The following ENTPD8 variants were observed in gnomAD, a reference collection of about 807,000 sequenced individuals.
ENTPD8 encodes the protein ectonucleoside triphosphate diphosphohydrolase 8.
Under a neutral mutation model 47.0 loss-of-function variants are expected in ENTPD8, and 35 were observed. That is an observed-to-expected ratio of 0.75 (90% CI 0.57 to 0.99). ENTPD8 has a LOEUF of 0.99. ENTPD8 is among the 50% of genes least tolerant of loss of function. The probability of loss-of-function intolerance (pLI) is 0.00; values close to 1 mark genes in which losing one functional copy is unlikely to be tolerated. For missense variants in ENTPD8, 668 were observed against 649.9 expected (o/e 1.03, Z -0.30); for synonymous variants, 308 against 290.5 (o/e 1.06, Z -0.61).
chr9:137,434,882 G>A lies in ENTPD8; in HGVS notation c.*32C>T, dbSNP rs781663728. On this transcript the variant is annotated 3_prime_UTR_variant, in exon 10 of 10. Coordinates refer to ENST00000371506, the MANE Select transcript of ENTPD8 (RefSeq NM_001033113.2). ...CAGCATCCGGGACGCAGCTGCCTGT[G>A]GGCTCTGTGGGGGCCCACCTCCGCC... 5 of 1,570,428 alleles carry A rather than the reference G, an allele frequency of 3.2e-6. No individual in the cohort carries two copies. In the East Asian group the frequency reaches 1.1e-4, roughly 36 times the overall value.
Position 137,437,016 on chromosome 9 carries a change from G to A in ENTPD8, c.408C>T (p.Ser136=), listed in dbSNP as rs1033821970. The change falls in exon 5 of 10, where the codon AGC becomes AGT. Residue 136 remains serine (S), a synonymous_variant. Transcript: ENST00000371506. ...CTGCAAAGATGTCCCTGGCCTGAGA[G>A]CTGTTCTTCCGGCTGGGCACAGAGG... is the stretch of plus-strand genomic sequence containing the variant. ...AGMRLLSRKN[S]SQARDIFAAV... 4.3e-6 allele frequency: 7 copies of A among 1,612,548 alleles called. No individual in the cohort carries two copies. The highest frequency in any genetic ancestry group is 1.3e-5 in the African/African-American group (1 of 75,066).
Position 137,435,311 on chromosome 9 carries a change from G to A in ENTPD8, c.1189C>T (p.Arg397Cys), listed in dbSNP as rs761502158. The A allele has an allele frequency of 8.7e-6, 14 of 1,611,936 alleles. No homozygotes were observed. The highest frequency in any genetic ancestry group is 4.0e-5 in the African/African-American group (3 of 74,920). Residue 397 changes from arginine to cysteine, a missense_variant, in exon 9 of 10, where the codon CGC becomes TGC. Transcript: ENST00000371506. ...LVEASYPGQDRWLRDYCASGL... is the reference protein window; with the variant it reads ...LVEASYPGQDCWLRDYCASGL... ...GAGGCACAGTAGTCCCGCAGCCAGC[G>A]GTCCTGCCCAGGGTAGCTGGCCTCC...
intron 7 of ENTPD8, 34 bp from the exon 8 acceptor site, chr9:137,435,863 G>A (rs758752892): frequency 5.7e-5 from 91 of 1,608,216 alleles, no homozygotes; most frequent in Non-Finnish European, 7.4e-5. Context: ...TGCCTTCGCT[G>A]TGGCCACGCT....
rs772647050 is a variant in ENTPD8 at position 137,437,180 on chromosome 9, G to A, written c.374C>T (p.Thr125Met). Reference protein sequence around the residue: ...HRKTPTFLGATAGMRLLSRKN... With the variant: ...HRKTPTFLGAMAGMRLLSRKN... ...TCACCTGAGCAACCTCATGCCAGCCGTGGCCCCCAGGAACGTGGGTGTTTT... is the reference window on the plus strand; with the variant it reads ...TCACCTGAGCAACCTCATGCCAGCCATGGCCCCCAGGAACGTGGGTGTTTT... Residue 125 changes from threonine to methionine, a missense_variant, in exon 4 of 10, where the codon ACG becomes ATG. Transcript: ENST00000371506. The A allele has an allele frequency of 2.1e-5, 34 of 1,612,906 alleles. No homozygotes were observed. In the Middle Eastern group the frequency reaches 6.6e-4, roughly 31 times the overall value.
Position 137,435,068 on chromosome 9 carries a change from A to C in ENTPD8, c.1334T>G (p.Met445Arg), listed in dbSNP as rs947440764. 2 of 1,611,804 alleles carry C rather than the reference A, an allele frequency of 1.2e-6. No individual in the cohort carries two copies. Among genetic ancestry groups the C allele is most frequent in the Non-Finnish European group, 1.7e-6 (2 of 1,179,802 alleles). ...CGGGATCATCCCGGTCAGGTTCAGC[A>C]TGTAGCCCAGTGTCCAGCCAATGTC... ...GVDIGWTLGYMLNLTGMIPAD... is the reference protein window; with the variant it reads ...GVDIGWTLGYRLNLTGMIPAD... The change falls in exon 10 of 10, where the codon ATG (methionine) becomes AGG (arginine). Residue 445 changes from methionine to arginine, a missense_variant. Met to Arg is a moderately conservative substitution (Grantham distance 91, BLOSUM62 -1). Coordinates refer to ENST00000371506, the MANE Select transcript of ENTPD8 (RefSeq NM_001033113.2).
intron 7 of ENTPD8, 54 bp from the exon 8 acceptor site, chr9:137,435,883 C>T: frequency 1.2e-6 from 2 of 1,606,704 alleles, no homozygotes; most frequent in Non-Finnish European, 1.7e-6. Flanking sequence ...TGGGCCAGAT[C>T]CACCCCACCC....
chr9:137,435,428 C>T lies in ENTPD8; in HGVS notation c.1162-90G>A, dbSNP rs535828564. 180 of 1,515,686 alleles carry T rather than the reference C, an allele frequency of 1.2e-4. 1 individual carries two copies. The African/African-American group carries it at 1.7e-3, about 14-fold the overall frequency. The allele number at this position is 1,515,686 out of a possible 1,614,324, so 93.9% of individuals were successfully genotyped here. ...CCATCTGTCCTGGCCAACCTGAGCA[C>T]GCAGACAACAAGAGGGTGCCGGGCA... On this transcript the variant is annotated intron_variant, in intron 8 of 9. Transcript: ENST00000371506.
At position 137,436,273 on chromosome 9, in the gene ENTPD8, G is replaced by A. The variant is rs763650113; in HGVS notation, c.790C>T (p.Arg264Cys). The change falls in exon 7 of 10, where the codon CGC becomes TGC. Residue 264 changes from arginine to cysteine, a missense_variant. Arg to Cys is a radical substitution (Grantham distance 180). Coordinates refer to ENST00000371506, the MANE Select transcript of ENTPD8 (RefSeq NM_001033113.2). Reference protein sequence around the residue: ...SRLLVGLVQSRPAALLRHPCY... With the variant: ...SRLLVGLVQSCPAALLRHPCY... Reference sequence around the variant, plus strand: ...GGGTGACGGAGCAGGGCAGCCGGGCGGCTCTGCAGAGGGCAGGGAGGCCTG... The same window carrying A: ...GGGTGACGGAGCAGGGCAGCCGGGCAGCTCTGCAGAGGGCAGGGAGGCCTG... The A allele has an allele frequency of 1.7e-5, 27 of 1,584,942 alleles. No individual in the cohort carries two copies. The highest frequency in any genetic ancestry group is 6.7e-5 in the East Asian group (3 of 44,486).
Position 137,441,311 on chromosome 9 carries a change from G to A in ENTPD8, c.-46C>T, listed in dbSNP as rs1839522289. On this transcript the variant is annotated 5_prime_UTR_variant, in exon 1 of 10. Transcript: ENST00000371506. ...CTGGGCTGGCTGCCCACTTCCCGGA[G>A]CGGCAAGGAGGAAGCTGTGCTTAGA... 1 of 276,456 alleles carries A rather than the reference G, an allele frequency of 3.6e-6. No homozygotes were observed. Among genetic ancestry groups the A allele is most frequent in the Non-Finnish European group, 7.4e-6 (1 of 134,566 alleles). 17.1% of individuals were successfully genotyped at this position (276,456 alleles called of 1,614,324 possible). A position where few individuals can be genotyped will look rare whatever the true frequency, so the allele number is the denominator to read the frequency against.
In ENTPD8 at chr9:137,437,268, C is replaced by A; in HGVS notation, c.286G>T (p.Gly96Cys). The change falls in exon 4 of 10, where the codon GGT (glycine) becomes TGT (cysteine). Residue 96 changes from glycine (G) to cysteine (C), a missense_variant. Coordinates refer to ENST00000371506, the MANE Select transcript of ENTPD8 (RefSeq NM_001033113.2). ...TCCAAGCAGCCCTGCAGGCTCTCAC[C>A]AGCCTGTGCAGCATTAGAAGTGTAG... ...SSYTSNAAQA[G>C]ESLQGCLEEA... is the part of the protein sequence containing the mutation. The A allele has an allele frequency of 6.2e-7, 1 of 1,613,068 alleles. No individual in the cohort carries two copies. The highest frequency in any genetic ancestry group is 1.1e-5 in the South Asian group (1 of 91,090).
chr9:137,439,051 G>A (rs977711390), intron 1 of ENTPD8, among the ~76,000 whole-genome samples: 1 of 152,118 alleles, frequency 6.6e-6, no homozygotes. Context: ...TTGCCGAGGG[G>A]CTGTGGGTGA....
rs1588479837 is a variant in ENTPD8, at chr9:137,438,641, C to T, written c.-20-336G>A. Reference sequence around the variant, plus strand: ...CATAGAGGCATCCCCGGGGCTCAGACGGTCTCCCGTGGCCATAGAGGCATC... The same window carrying T: ...CATAGAGGCATCCCCGGGGCTCAGATGGTCTCCCGTGGCCATAGAGGCATC... On this transcript the variant is annotated intron_variant, in intron 1 of 9. Transcript: ENST00000371506. The surrounding 1 kb of genome is among the most constrained non-coding windows in gnomAD (Gnocchi z 5.7). Among the ~76,000 whole-genome samples the T allele has an allele frequency of 1.4e-5, 2 of 146,346 alleles. No homozygotes were observed. Among genetic ancestry groups the T allele is most frequent in the South Asian group, 2.2e-4 (1 of 4,646 alleles).
chr9:137,437,997 C>G lies in ENTPD8; in HGVS notation c.214G>C (p.Val72Leu). 1.9e-6 allele frequency: 3 copies of G among 1,612,788 alleles called. No individual in the cohort carries two copies. The highest frequency in any genetic ancestry group is 2.5e-6 in the Non-Finnish European group (3 of 1,179,866). ...LANKENGTGV[V>L]SQALACQVEG... is the part of the protein sequence containing the mutation. ...ACCTGGCAGGCCAGGGCCTGGCTGA[C>G]CACACCCGTGCCATTCTCCTTGTTC... Residue 72 changes from valine to leucine, a missense_variant, in exon 3 of 10, where the codon GTC (valine) becomes CTC (leucine). Coordinates refer to ENST00000371506, the MANE Select transcript of ENTPD8 (RefSeq NM_001033113.2).
Position 137,436,015 on chromosome 9 carries a change from A to G in ENTPD8, c.1048T>C (p.Tyr350His). Residue 350 changes from tyrosine (Y) to histidine (H), a missense_variant and splice_region_variant, in exon 7 of 10, where the codon TAT (tyrosine) becomes CAT (histidine). Tyr to His is a moderately conservative substitution (Grantham distance 83). Transcript: ENST00000371506. ...VYQPPLRGQF[Y>H]AFSNFYYTFH... ...GTGGGGGCAGTGTAGGTGCTCACAT[A>G]GAACTGGCCCCGCAGCGGGGGCTGG... 6.2e-7 allele frequency: 1 copy of G among 1,612,706 alleles called. No homozygotes were observed.
Position 137,434,644 on chromosome 9 carries a change from A to G in ENTPD8, c.*270T>C. 3.4e-6 allele frequency: 2 copies of G among 591,498 alleles called. No individual in the cohort carries two copies. Among genetic ancestry groups the G allele is most frequent in the Non-Finnish European group, 5.8e-6 (2 of 343,212 alleles). 36.6% of individuals were successfully genotyped at this position (591,498 alleles called of 1,614,324 possible). ...GGCCCTGCAGTCACACAGCCTGGAG[A>G]CACCACGAGTCCTGGCGGCCTGTGT... On this transcript the variant is annotated 3_prime_UTR_variant, in exon 10 of 10. Transcript: ENST00000371506.
At chr9:137,440,175 C>T (rs1262450717) in intron 1 of ENTPD8, among the ~76,000 whole-genome samples, 2 of 110,448 alleles carry the variant, frequency 1.8e-5, no homozygotes, top group East Asian at 6.6e-4. Context: ...GCCAGGACAT[C>T]CCCTCACACA....
At chr9:137,437,073 C>T (rs371071887) in intron 4 of ENTPD8, 45 bp from the exon 5 acceptor site, 1 of 1,601,604 alleles carries the variant, frequency 6.2e-7, no homozygotes, top group Non-Finnish European at 8.5e-7. Context: ...GAAGCCTGGG[C>T]CCGGCCCCAC....
Position 137,436,000 on chromosome 9 carries a change from T to C in ENTPD8, c.1050+13A>G. The C allele has an allele frequency of 1.2e-6, 2 of 1,612,358 alleles. No homozygotes were observed. Among genetic ancestry groups the C allele is most frequent in the South Asian group, 1.1e-5 (1 of 91,058 alleles). On this transcript the variant is annotated intron_variant, in intron 7 of 9. Coordinates refer to ENST00000371506, the MANE Select transcript of ENTPD8 (RefSeq NM_001033113.2). ...AAGCCCGGACCCCTGGTGGGGGCAG[T>C]GTAGGTGCTCACATAGAACTGGCCC... is the stretch of plus-strand genomic sequence containing the variant.
rs754524768 is a variant in ENTPD8 at position 137,436,156 on chromosome 9, G to A, written c.907C>T (p.Gln303Ter). The change falls in exon 7 of 10, where the codon CAG becomes TAG. Residue 303 changes from glutamine to a stop codon, truncating the protein, a stop_gained. Transcript: ENST00000371506. LOFTEE classifies it high-confidence loss of function. The part of the protein sequence containing the change: ...VHATPPLSLP[Q>*]NLTVEGTGNP... Reference sequence around the variant, plus strand: ...CCTGTCCCTTCAACTGTGAGGTTCTGGGGGAGGCTCAGCGGGGGCGTGGCG... The same window carrying A: ...CCTGTCCCTTCAACTGTGAGGTTCTAGGGGAGGCTCAGCGGGGGCGTGGCG... 6.2e-7 allele frequency: 1 copy of A among 1,612,852 alleles called. No homozygotes were observed. The highest frequency in any genetic ancestry group is 1.7e-5 in the Admixed American group (1 of 60,008).
Sources: allele counts gnomAD v4.1 joint callset (sites outside exome capture counted in the v4.1 genomes callset), GRCh38; gene constraint gnomAD v4.1.1; non-coding constraint Gnocchi (gnomAD v3.1); transcripts MANE v1.5; gene names NCBI Gene and HGNC (gene_info 2026-07-23, HGNC 2026-07-21).